CIMAP1A: variants seen among roughly 807,000 people sequenced by gnomAD.
CIMAP1A encodes the protein ciliary microtubule associated protein 1A, also known as cancer/testis antigen 135.
the CIMAP1A span, chr11:198,754 G>T: frequency 6.9e-7 from 1 of 1,447,326 alleles, no homozygotes; most frequent in African/African-American, 1.4e-5. Context: ...CAGTGGTGAG[G>T]AGGGGCAGGC....
At chr11:198,978 C>T in the CIMAP1A span, 7 of 1,190,068 alleles carry the variant, frequency 5.9e-6, no homozygotes, top group Middle Eastern at 3.4e-4. Context: ...TGGCACATGC[C>T]TGAGAGCTTG....
chr11:198,741 C>G, the CIMAP1A span: 1 of 1,458,126 alleles, frequency 6.9e-7, no homozygotes, highest in Non-Finnish European at 9.0e-7. Context: ...TGGGGTTACA[C>G]TGCAGTGGTG....
At chr11:200,111 C>T in the CIMAP1A span, 4 of 1,503,872 alleles carry the variant, frequency 2.7e-6, no homozygotes, top group African/African-American at 5.5e-5. Context: ...GCTGTCTTCA[C>T]CAGCTGGGCT....
At chr11:199,707 T>G in the CIMAP1A span, 1 of 1,435,054 alleles carries the variant, frequency 7.0e-7, no homozygotes, top group Non-Finnish European at 9.1e-7. Context: ...CCCTGTACAT[T>G]TCCAGCACTA....
chr11:198,085 G>C, the CIMAP1A span: 1 of 1,548,696 alleles, frequency 6.5e-7, no homozygotes, highest in Non-Finnish European at 8.7e-7. Flanking sequence ...GTCACCACCT[G>C]TGTTGGAGCC....
At chr11:198,450 C>A in the CIMAP1A span, 5 of 1,613,268 alleles carry the variant, frequency 3.1e-6, no homozygotes, top group South Asian at 4.4e-5. Context: ...TGAGGCTCCA[C>A]GTCCACCCTG....
the CIMAP1A span, chr11:198,241 C>T: frequency 6.2e-7 from 1 of 1,614,056 alleles, no homozygotes; most frequent in Non-Finnish European, 8.5e-7. Context: ...GTGTTCGACT[C>T]AGCACCCAGC....
At chr11:200,092 G>C in the CIMAP1A span, 2 of 1,578,438 alleles carry the variant, frequency 1.3e-6, no homozygotes, top group Non-Finnish European at 1.7e-6. Context: ...CCGGGCCACA[G>C]AGCTCGAGGC....
chr11:199,324 C>A, the CIMAP1A span: 1 of 1,550,816 alleles, frequency 6.4e-7, no homozygotes, highest in East Asian at 2.4e-5. Context: ...TAGGGCCACA[C>A]GCCCTGGGTA....
the CIMAP1A span, chr11:197,663 A>C: frequency 6.2e-7 from 1 of 1,613,662 alleles, no homozygotes; most frequent in South Asian, 1.1e-5. Flanking sequence ...CCCCGTTACA[A>C]TGTAAACCCC....
At chr11:197,435 GGA>G in the CIMAP1A span, 1 of 1,597,928 alleles carries the variant, frequency 6.3e-7, no homozygotes, top group Non-Finnish European at 8.5e-7. Context: ...AGAGACTGTG[GGA>G]GAGGGTCAGG....
chr11:197,468 G>A, the CIMAP1A span: 15 of 1,590,790 alleles, frequency 9.4e-6, no homozygotes, highest in Middle Eastern at 5.0e-4. Context: ...GCAGGTGGGG[G>A]TCCCGGGAAG....
At chr11:197,363 T>A in the CIMAP1A span, 1 of 1,598,648 alleles carries the variant, frequency 6.3e-7, no homozygotes, top group Non-Finnish European at 8.5e-7. Context: ...GGACCCATCA[T>A]GGCCCTCTAC....
At chr11:198,970 G>T in the CIMAP1A span, 1 of 1,187,496 alleles carries the variant, frequency 8.4e-7, no homozygotes, top group Non-Finnish European at 1.0e-6. Context: ...CCCCTGGGTG[G>T]CACATGCCTG....
chr11:197,979 C>G, the CIMAP1A span: 3 of 1,530,802 alleles, frequency 2.0e-6, no homozygotes, highest in South Asian at 1.2e-5. Flanking sequence ...TCTGCCAGGC[C>G]GACGTCAGAC....
the CIMAP1A span, chr11:197,345 G>A: frequency 2.3e-5 from 36 of 1,594,192 alleles, no homozygotes; most frequent in Admixed American, 2.4e-4. Context: ...AGGCCCCATC[G>A]CCCCCGGGGA....
chr11:197,194 C>CGG, the CIMAP1A span: 16 of 719,790 alleles, frequency 2.2e-5, no homozygotes, highest in East Asian at 4.2e-4. Flanking sequence ...TTCCGCAGGT[C>CGG]TTACCCTTCA....
At chr11:200,129 C>T in the CIMAP1A span, 2 of 1,306,266 alleles carry the variant, frequency 1.5e-6, no homozygotes, top group South Asian at 1.2e-5. Flanking sequence ...GCTGGGCCAG[C>T]CTGGCCCTGC....
chr11:197,245 T>A, the CIMAP1A span: 1 of 1,253,200 alleles, frequency 8.0e-7, no homozygotes, highest in Non-Finnish European at 1.1e-6. Context: ...GGGGCCGGCA[T>A]GGGACAGGGC....
Sources: gnomAD v4.1 joint callset for allele counts on GRCh38, gnomAD v4.1.1 for gene constraint, MANE v1.5 for transcripts, NCBI Gene and HGNC (gene_info 2026-07-23, HGNC 2026-07-21) for gene names.